Variants in SCPEP1 observed in about 807,000 individuals in gnomAD.
The protein encoded by SCPEP1 is retinoid-inducible serine carboxypeptidase.
In SCPEP1, 51 loss-of-function variants were observed where a neutral mutation model predicts 63.8. That is an observed-to-expected ratio of 0.80 (90% CI 0.64 to 1.01). The LOEUF is 1.01. Among genes scored for constraint, SCPEP1 ranks in the 50% least tolerant of loss-of-function variants. The probability of loss-of-function intolerance (pLI) is 0.00; values close to 1 mark genes in which losing one functional copy is unlikely to be tolerated. For synonymous variants in SCPEP1, 204 were observed against 207.8 expected, an observed-to-expected ratio of 0.98 and a Z score of 0.16; for missense variants, 499 against 554.9, an observed-to-expected ratio of 0.90 and a Z score of 1.01.
chr17:56,996,788 G>A (rs2144500113), intron 8 of SCPEP1, among the ~76,000 whole-genome samples, 174 bp from the exon 9 acceptor site: 1 of 152,198 alleles, frequency 6.6e-6, no homozygotes, highest in South Asian at 2.1e-4. Flanking sequence ...CGAAGTGCTG[G>A]GATTACAGAC....
chr17:57,003,936 C>T (rs767275727), intron 12 of SCPEP1, among the ~76,000 whole-genome samples: 2 of 152,142 alleles, frequency 1.3e-5, no homozygotes, highest in Non-Finnish European at 2.9e-5. Context: ...TGGTGGCTGA[C>T]ACCTGTAATC....
At chr17:56,996,174 CTTTAT>C (rs1027013350) in intron 8 of SCPEP1, among the ~76,000 whole-genome samples, 1 of 152,016 alleles carries the variant, frequency 6.6e-6, no homozygotes, top group African/African-American at 2.4e-5. Context: ...GCATTTCTTT[CTTTAT>C]TTTATTTTTT....
At chr17:57,002,666 C>G (rs1911773894) in intron 12 of SCPEP1, among the ~76,000 whole-genome samples, 1 of 151,966 alleles carries the variant, frequency 6.6e-6, no homozygotes, top group Non-Finnish European at 1.5e-5. Context: ...GAGATAGCAC[C>G]ACTGCACTCC....
intron 1 of SCPEP1, among the ~76,000 whole-genome samples, chr17:56,979,679 A>G (rs1300468832): frequency 1.3e-5 from 2 of 152,182 alleles, no homozygotes; most frequent in Middle Eastern, 3.2e-3. Flanking sequence ...ACAGATATAT[A>G]TCGTTCAGTT....
rs1911191820 is a variant in SCPEP1 at position 56,985,579 on chromosome 17, C to A, written c.315+112C>A. ...AATCCCTCGCTGTCCTTTTCCTTTT[C>A]CTGTGACTACTGAGGCCATGGGCAC... On this transcript the variant is annotated intron_variant, in intron 3 of 12. Coordinates refer to ENST00000262288, the MANE Select transcript of SCPEP1 (RefSeq NM_021626.3). The A allele has an allele frequency of 5.1e-6, 4 of 788,642 alleles. No individual in the cohort carries two copies. In the East Asian group the frequency reaches 1.0e-4, roughly 20 times the overall value. The allele number at this position is 788,642 out of a possible 1,614,324, so 48.9% of individuals were successfully genotyped here.
intron 3 of SCPEP1, 165 bp from the exon 4 acceptor site, chr17:56,987,530 G>A (rs1362834687): frequency 4.2e-6 from 2 of 471,526 alleles, no homozygotes; most frequent in Non-Finnish European, 6.7e-6. Context: ...TTTTTTCTAT[G>A]TTCCTGTCCC....
intron 1 of SCPEP1, among the ~76,000 whole-genome samples, chr17:56,979,732 A>G (rs1279156564): frequency 2.0e-5 from 3 of 152,082 alleles, no homozygotes; most frequent in Admixed American, 2.0e-4. Flanking sequence ...GCCCTTTTTC[A>G]TATTTGTTGT....
intron 12 of SCPEP1, among the ~76,000 whole-genome samples, chr17:57,004,246 T>G (rs546474977): frequency 2.0e-5 from 3 of 152,106 alleles, no homozygotes; most frequent in African/African-American, 7.2e-5. Flanking sequence ...AAAAATCAAC[T>G]GGGCGCGGTG....
chr17:56,990,207 A>G (rs770846402), intron 5 of SCPEP1, among the ~76,000 whole-genome samples: 6 of 152,252 alleles, frequency 3.9e-5, no homozygotes, highest in Non-Finnish European at 7.3e-5. Flanking sequence ...ACGGCAAACA[A>G]AAGGGTTAGA....
intron 1 of SCPEP1, among the ~76,000 whole-genome samples, chr17:56,980,775 C>T (rs548698787): frequency 8.7e-5 from 10 of 114,590 alleles, no homozygotes; most frequent in African/African-American, 1.1e-4. Context: ...GCAACAAGAG[C>T]GAGACTTCGT....
At chr17:56,983,888 A>G (rs1390121053) in intron 2 of SCPEP1, 2 of 148,908 alleles carry the variant, frequency 1.3e-5, no homozygotes, top group Non-Finnish European at 3.0e-5. Context: ...TGTTTTGCCC[A>G]AGGTATTCCC....
chr17:56,987,857 A>G lies in SCPEP1; in HGVS notation c.471+7A>G, dbSNP rs1212509083. 2 of 1,613,988 alleles carry G rather than the reference A, an allele frequency of 1.2e-6. No homozygotes were observed. Among genetic ancestry groups the G allele is most frequent in the South Asian group, 2.2e-5 (2 of 91,060 alleles). ...TTGCCACAAAGAATTCCAGGTAAGC[A>G]AAGACTCAGGAACAGCTAAGTAAAG... On this transcript the variant is annotated splice_region_variant and intron_variant, in intron 4 of 12. Coordinates refer to ENST00000262288, the MANE Select transcript of SCPEP1 (RefSeq NM_021626.3).
At chr17:57,005,122 G>A (rs1597924895) in intron 12 of SCPEP1, among the ~76,000 whole-genome samples, 1 of 152,184 alleles carries the variant, frequency 6.6e-6, no homozygotes, top group Non-Finnish European at 1.5e-5. Context: ...TGTGTTGTGC[G>A]CCTGCATTTT....
At chr17:57,003,951 C>T (rs1911812958) in intron 12 of SCPEP1, among the ~76,000 whole-genome samples, 1 of 152,142 alleles carries the variant, frequency 6.6e-6, no homozygotes, top group African/African-American at 2.4e-5. Flanking sequence ...GTAATCCCAG[C>T]ATTTTGGGAG....
In SCPEP1 at chr17:56,996,998, A is replaced by G. The variant is rs752237385; in HGVS notation, c.823A>G (p.Lys275Glu). 3 of 1,610,714 alleles carry G rather than the reference A, an allele frequency of 1.9e-6. No individual in the cohort carries two copies. Among genetic ancestry groups the G allele is most frequent in the South Asian group, 1.1e-5 (1 of 90,598 alleles). ...DGVNFYNILTKSTPTSTMESS... is the reference protein window; with the variant it reads ...DGVNFYNILTESTPTSTMESS... ...GGTGAACTTCTATAACATCTTAACTAAAAGCACTCCCACGTCTACAATGGA... is the reference window on the plus strand; with the variant it reads ...GGTGAACTTCTATAACATCTTAACTGAAAGCACTCCCACGTCTACAATGGA... The change falls in exon 9 of 13, where the codon AAA becomes GAA. Residue 275 changes from lysine (K) to glutamate (E), a missense_variant. Transcript: ENST00000262288.
intron 1 of SCPEP1, 34 bp downstream of exon 1, chr17:56,978,269 G>C (rs748521405): frequency 1.3e-6 from 2 of 1,508,572 alleles, no homozygotes; most frequent in South Asian, 2.4e-5. Flanking sequence ...CAGCTGCCAT[G>C]CCTCTTTTTT....
At chr17:56,985,788 A>G (rs1335178963) in intron 3 of SCPEP1, among the ~76,000 whole-genome samples, 3 of 151,982 alleles carry the variant, frequency 2.0e-5, no homozygotes, top group Non-Finnish European at 2.9e-5. Flanking sequence ...CTCAGACACC[A>G]TGGTTGCACC....
chr17:56,995,492 T>C lies in SCPEP1; in HGVS notation c.658-15T>C, dbSNP rs763094024. 1 of 1,607,748 alleles carries C rather than the reference T, an allele frequency of 6.2e-7. No individual in the cohort carries two copies. Among genetic ancestry groups the C allele is most frequent in the South Asian group, 1.1e-5 (1 of 89,918 alleles). The stretch of plus-strand genomic sequence containing the variant: ...CAAGTAAAGTGGGTCTTTTTGCTCT[T>C]GGTTTGCATTCCAGTCTCTTCTCGA... On this transcript the variant is annotated splice_polypyrimidine_tract_variant and intron_variant, in intron 7 of 12. Coordinates refer to ENST00000262288, the MANE Select transcript of SCPEP1 (RefSeq NM_021626.3).
In SCPEP1 at chr17:56,997,005, C is replaced by T. The variant is rs1911586032; in HGVS notation, c.830C>T (p.Thr277Ile). ...TTCTATAACATCTTAACTAAAAGCA[C>T]TCCCACGTCTACAATGGAGTCGAGT... is the stretch of plus-strand genomic sequence containing the variant. ...VNFYNILTKS[T>I]PTSTMESSLE... is the part of the protein sequence containing the mutation. Residue 277 changes from threonine (T) to isoleucine (I), a missense_variant, in exon 9 of 13, where the codon ACT becomes ATT. By Grantham distance (89) the Thr-to-Ile change is moderately conservative (BLOSUM62 -1). Coordinates refer to ENST00000262288, the MANE Select transcript of SCPEP1 (RefSeq NM_021626.3). 3 of 1,610,518 alleles carry T rather than the reference C, an allele frequency of 1.9e-6. No individual in the cohort carries two copies. Among genetic ancestry groups the T allele is most frequent in the Non-Finnish European group, 2.5e-6 (3 of 1,178,148 alleles).
Sources: gnomAD v4.1 joint callset for allele counts (sites outside exome capture counted in the v4.1 genomes callset) on GRCh38, gnomAD v4.1.1 for gene constraint, MANE v1.5 for transcripts, NCBI Gene and HGNC (gene_info 2026-07-23, HGNC 2026-07-21) for gene names.